DCUN1D3: variants seen among roughly 807,000 people sequenced by gnomAD.
DCUN1D3 encodes the protein defective in cullin neddylation 1 domain containing 3.
In DCUN1D3, 6 loss-of-function variants were observed where a neutral mutation model predicts 24.8. The observed-to-expected ratio is 0.24, with a 90% CI of 0.13 to 0.48. The LOEUF (loss-of-function observed/expected upper bound fraction) is 0.48, where lower values mean the gene tolerates loss of function less well. Among genes scored for constraint, DCUN1D3 ranks in the 20% least tolerant of loss-of-function variants. The probability of loss-of-function intolerance (pLI) is 0.99; values close to 1 mark genes in which losing one functional copy is unlikely to be tolerated. For synonymous variants in DCUN1D3, 120 were observed against 144.9 expected, an observed-to-expected ratio of 0.83 and a Z score of 1.24; for missense variants, 258 against 379.4, an observed-to-expected ratio of 0.68 and a Z score of 2.66.
At chr16:20,863,268 AC>A (rs2081743031) in intron 1 of DCUN1D3, among the ~76,000 whole-genome samples, 1 of 152,078 alleles carries the variant, frequency 6.6e-6, no homozygotes, top group Non-Finnish European at 1.5e-5. Context: ...TACTCCATCC[AC>A]CTATAGAAAC....
At chr16:20,886,806 C>T (rs902018292) in intron 1 of DCUN1D3, among the ~76,000 whole-genome samples, 1 of 152,204 alleles carries the variant, frequency 6.6e-6, no homozygotes, top group Non-Finnish European at 1.5e-5. Flanking sequence ...GTCTATAAAG[C>T]CAACTCCTGC....
chr16:20,890,881 G>A (rs2081889139), intron 1 of DCUN1D3, among the ~76,000 whole-genome samples: 1 of 151,224 alleles, frequency 6.6e-6, no homozygotes, highest in South Asian at 2.1e-4. Context: ...AGGAAATCAG[G>A]TCCTATGGAC....
chr16:20,873,642 G>A (rs747108101), intron 1 of DCUN1D3, among the ~76,000 whole-genome samples: 4 of 152,098 alleles, frequency 2.6e-5, no homozygotes, highest in Non-Finnish European at 2.9e-5. Flanking sequence ...CTTTTCCCTC[G>A]CTCTCGGCCA....
In DCUN1D3 at chr16:20,855,986, C is replaced by T. The variant is rs942595755; in HGVS notation, c.*3900G>A. 1 of 152,182 alleles carries T rather than the reference C, an allele frequency of 6.6e-6. No individual in the cohort carries two copies. Among genetic ancestry groups the T allele is most frequent in the African/African-American group, 2.4e-5 (1 of 41,438 alleles). The allele number at this position is 152,182 out of a possible 1,614,324, so 9.4% of individuals were successfully genotyped here. ...CCAAGATGCTCAAGTCATAGCTAAC[C>T]AAACATGAGAGACAAGAAAAACAGC... On this transcript the variant is annotated 3_prime_UTR_variant, in exon 3 of 3. Transcript: ENST00000324344.
chr16:20,898,232 A>C (rs1264793496), intron 1 of DCUN1D3, among the ~76,000 whole-genome samples: 1 of 152,176 alleles, frequency 6.6e-6, no homozygotes, highest in East Asian at 1.9e-4. Context: ...AGCTCAACTT[A>C]AGTGTCACTT....
intron 1 of DCUN1D3, chr16:20,896,321 A>G (rs2081915731): frequency 6.6e-6 from 1 of 152,232 alleles, no homozygotes; most frequent in African/African-American, 2.4e-5. Flanking sequence ...CAACTCCAAT[A>G]GCAAGTGGCA....
intron 1 of DCUN1D3, among the ~76,000 whole-genome samples, chr16:20,891,467 CCAACTT>C (rs1274118012): frequency 1.3e-5 from 2 of 152,188 alleles, no homozygotes; most frequent in African/African-American, 2.4e-5. Context: ...CCCTTCTTTA[CCAACTT>C]CCGATTTGTC....
chr16:20,890,264 G>T (rs2081886388), intron 1 of DCUN1D3, among the ~76,000 whole-genome samples: 1 of 152,156 alleles, frequency 6.6e-6, no homozygotes, highest in African/African-American at 2.4e-5. Flanking sequence ...CAGAAGTTCA[G>T]GTAACGTACA....
chr16:20,871,956 TC>T (rs1464309323), intron 1 of DCUN1D3, among the ~76,000 whole-genome samples: 1 of 152,224 alleles, frequency 6.6e-6, no homozygotes, highest in Non-Finnish European at 1.5e-5. Flanking sequence ...GAACCTTAAC[TC>T]TAATAAAAAC....
intron 1 of DCUN1D3, among the ~76,000 whole-genome samples, chr16:20,874,553 A>G (rs760140024): frequency 6.6e-6 from 1 of 152,218 alleles, no homozygotes; most frequent in African/African-American, 2.4e-5. Context: ...TCTCTGTACA[A>G]TAACATGATC....
rs116342770 is a variant in DCUN1D3 at position 20,883,837 on chromosome 16, T to C, written c.-106+16367A>G. On this transcript the variant is annotated intron_variant, in intron 1 of 2. Coordinates refer to ENST00000324344, the MANE Select transcript of DCUN1D3 (RefSeq NM_173475.4). ...AGAGCTGTGAACTTGGAAAAGCAAA[T>C]GCTCTGATAAATTAAGCAACTCCAG... Among the ~76,000 whole-genome samples the C allele has an allele frequency of 3.6e-3, 555 of 152,326 alleles. 3 individuals carry two copies. The highest frequency in any genetic ancestry group is 0.012 in the African/African-American group (512 of 41,574).
chr16:20,865,993 C>G (rs2152516428), intron 1 of DCUN1D3, among the ~76,000 whole-genome samples: 1 of 152,304 alleles, frequency 6.6e-6, no homozygotes, highest in East Asian at 1.9e-4. Flanking sequence ...TTTACTTAGG[C>G]TTCAAAAATA....
chr16:20,862,202 G>C lies in DCUN1D3; in HGVS notation c.337C>G (p.Arg113Gly), dbSNP rs200217368. 6.2e-7 allele frequency: 1 copy of C among 1,614,218 alleles called. No homozygotes were observed. Among genetic ancestry groups the C allele is most frequent in the Admixed American group, 1.7e-5 (1 of 60,026 alleles). The change falls in exon 2 of 3, where the codon CGC becomes GGC. Residue 113 changes from arginine (R) to glycine (G), a missense_variant. Physicochemically the swap from Arg to Gly is moderately radical, Grantham distance 125. Coordinates refer to ENST00000324344, the MANE Select transcript of DCUN1D3 (RefSeq NM_173475.4). Reference sequence around the variant, plus strand: ...TCAACACACAGGTCATTGCAAAAGCGCTCCATGCCTTCCTCCAAAATTGCA... The same window carrying C: ...TCAACACACAGGTCATTGCAAAAGCCCTCCATGCCTTCCTCCAAAATTGCA... Reference protein sequence around the residue: ...EDAILEEGMERFCNDLCVDPT... With the variant: ...EDAILEEGMEGFCNDLCVDPT...
chr16:20,879,311 G>A (rs940822187), intron 1 of DCUN1D3, among the ~76,000 whole-genome samples: 5 of 152,160 alleles, frequency 3.3e-5, no homozygotes, highest in African/African-American at 7.2e-5. Flanking sequence ...TAAGAAGTCC[G>A]CTTGTGTCAA....
In DCUN1D3 at chr16:20,886,078, A is replaced by AG. The variant is rs55852302; in HGVS notation, c.-106+14125dup. Among the ~76,000 whole-genome samples, 224 of 151,728 alleles carry AG rather than the reference A, an allele frequency of 1.5e-3. 1 individual carries two copies. The highest frequency in any genetic ancestry group is 5.2e-3 in the African/African-American group (216 of 41,408). ...ATTTTTTCATTGAAAAAAAAAAAAA[A>AG]GGCCACCAATACTAATGGCTATGGT... is the stretch of plus-strand genomic sequence containing the variant. On this transcript the variant is annotated intron_variant, in intron 1 of 2. Transcript: ENST00000324344.
chr16:20,861,762 A>G (rs1296057705), intron 2 of DCUN1D3, among the ~76,000 whole-genome samples: 1 of 150,486 alleles, frequency 6.6e-6, no homozygotes, highest in African/African-American at 2.5e-5. Context: ...AAAAAAAAAG[A>G]AAAAGAAAAA....
intron 1 of DCUN1D3, among the ~76,000 whole-genome samples, chr16:20,886,620 A>C (rs2081869168): frequency 6.6e-6 from 1 of 152,226 alleles, no homozygotes; most frequent in South Asian, 2.1e-4. Flanking sequence ...ACGATAATGA[A>C]GTTCCCTAGT....
intron 1 of DCUN1D3, among the ~76,000 whole-genome samples, chr16:20,862,852 G>A (rs1007732647): frequency 6.6e-6 from 1 of 152,204 alleles, no homozygotes; most frequent in African/African-American, 2.4e-5. Flanking sequence ...GAGAACCAAT[G>A]AGGGAAATTC....
intron 1 of DCUN1D3, among the ~76,000 whole-genome samples, chr16:20,871,159 T>C (rs1402222935): frequency 6.6e-6 from 1 of 152,200 alleles, no homozygotes; most frequent in Non-Finnish European, 1.5e-5. Flanking sequence ...GGAGATTAGG[T>C]CTTACCCAGA....
Sources: gnomAD v4.1 joint callset for allele counts (sites outside exome capture counted in the v4.1 genomes callset) on GRCh38, gnomAD v4.1.1 for gene constraint, MANE v1.5 for transcripts, NCBI Gene and HGNC (gene_info 2026-07-23, HGNC 2026-07-21) for gene names.